The following GNAQ variants were observed in gnomAD, a reference collection of about 807,000 sequenced individuals.
The protein encoded by GNAQ is guanine nucleotide-binding protein G(q) subunit alpha.
In GNAQ, 8 loss-of-function variants were observed where a neutral mutation model predicts 43.9. The observed-to-expected ratio is 0.18, with a 90% CI of 0.11 to 0.33. The LOEUF (loss-of-function observed/expected upper bound fraction) is 0.33, where lower values mean the gene tolerates loss of function less well. Ranked by LOEUF, GNAQ falls within the 10% of genes least tolerant of loss-of-function variation. The probability of loss-of-function intolerance (pLI) is 1.00; values close to 1 mark genes in which losing one functional copy is unlikely to be tolerated. For missense variants in GNAQ, 158 were observed against 450.8 expected (o/e 0.35, Z 5.88); for synonymous variants, 155 against 170.7 (o/e 0.91, Z 0.71).
chr9:77,888,253 C>T (rs975786380), intron 2 of GNAQ, among the ~76,000 whole-genome samples: 16 of 152,140 alleles, frequency 1.1e-4, no homozygotes, highest in African/African-American at 3.9e-4. Context: ...TCCACGATAA[C>T]TTTTTAAGTA....
chr9:77,864,802 C>G (rs1030572523), intron 2 of GNAQ, among the ~76,000 whole-genome samples: 1 of 152,202 alleles, frequency 6.6e-6, no homozygotes, highest in Non-Finnish European at 1.5e-5. Flanking sequence ...ACACTCTTTT[C>G]TGGTTCTGCT....
At chr9:77,854,264 G>A (rs1417260434) in intron 2 of GNAQ, among the ~76,000 whole-genome samples, 1 of 152,132 alleles carries the variant, frequency 6.6e-6, no homozygotes, top group Non-Finnish European at 1.5e-5. Context: ...AAAGAACAAT[G>A]TCTTATGAGA....
At chr9:77,940,440 G>T (rs1169023926) in intron 1 of GNAQ, among the ~76,000 whole-genome samples, 1 of 152,072 alleles carries the variant, frequency 6.6e-6, no homozygotes, top group Admixed American at 6.6e-5. Context: ...AAATTAGCTG[G>T]GCATGGTGGG....
chr9:77,957,772 G>A (rs1440021224), intron 1 of GNAQ, among the ~76,000 whole-genome samples: 1 of 152,188 alleles, frequency 6.6e-6, no homozygotes, highest in Non-Finnish European at 1.5e-5. Flanking sequence ...ACCTGCTGGA[G>A]GGAGGGAACT....
intron 2 of GNAQ, among the ~76,000 whole-genome samples, chr9:77,837,847 A>ATGT (rs1554719704): frequency 1.6e-5 from 2 of 128,966 alleles, no homozygotes; most frequent in Non-Finnish European, 3.1e-5. Context: ...AGTGATTTAA[A>ATGT]TTTTTTTTTT....
chr9:77,942,914 C>A (rs1829334877), intron 1 of GNAQ, among the ~76,000 whole-genome samples: 1 of 152,176 alleles, frequency 6.6e-6, no homozygotes, highest in Admixed American at 6.5e-5. Context: ...GCAATCCTTG[C>A]AAATCTGCTG....
chr9:77,733,620 C>A (rs1825529994), intron 5 of GNAQ, among the ~76,000 whole-genome samples: 3 of 152,310 alleles, frequency 2.0e-5, no homozygotes, highest in Middle Eastern at 6.8e-3. Context: ...CCATCCCCAG[C>A]ACAGGATGTC....
At chr9:77,879,099 G>A (rs1320493026) in intron 2 of GNAQ, among the ~76,000 whole-genome samples, 1 of 151,408 alleles carries the variant, frequency 6.6e-6, no homozygotes, top group Non-Finnish European at 1.5e-5. Context: ...AATAAGATGA[G>A]GAAAATGAGC....
At chr9:77,840,347 C>CT (rs1325289421) in intron 2 of GNAQ, among the ~76,000 whole-genome samples, 23 of 128,296 alleles carry the variant, frequency 1.8e-4, no homozygotes, top group African/African-American at 5.7e-4. Context: ...CATTTGATTA[C>CT]TTTTTGTTTT....
chr9:77,893,768 G>A (rs987453330), intron 2 of GNAQ, among the ~76,000 whole-genome samples: 1 of 152,118 alleles, frequency 6.6e-6, no homozygotes. Context: ...CAAGCTTTAA[G>A]TAAATTTATG....
intron 3 of GNAQ, among the ~76,000 whole-genome samples, chr9:77,799,820 G>T (rs1826714618): frequency 6.6e-6 from 1 of 152,180 alleles, no homozygotes. Context: ...ATACATTGAT[G>T]ATTCTCTAGC....
intron 2 of GNAQ, among the ~76,000 whole-genome samples, chr9:77,884,179 G>C (rs1828263121): frequency 6.6e-6 from 1 of 152,178 alleles, no homozygotes; most frequent in Non-Finnish European, 1.5e-5. Context: ...CTCAGGGTTG[G>C]AACTGGGAGG....
intron 5 of GNAQ, among the ~76,000 whole-genome samples, chr9:77,775,652 C>A (rs1427717633): frequency 6.6e-6 from 1 of 152,044 alleles, no homozygotes; most frequent in Admixed American, 6.5e-5. Context: ...CCTGCCTCGG[C>A]CTCCCAAAGT....
intron 5 of GNAQ, among the ~76,000 whole-genome samples, chr9:77,763,341 T>C (rs1256702161): frequency 6.6e-6 from 1 of 152,166 alleles, no homozygotes; most frequent in African/African-American, 2.4e-5. Context: ...ATTTTTTGTG[T>C]AAAGCTAGGT....
chr9:77,728,448 C>T (rs542679056), intron 6 of GNAQ, 66 bp downstream of exon 6: 1 of 1,142,290 alleles, frequency 8.8e-7, no homozygotes, highest in South Asian at 1.2e-5. Flanking sequence ...GCGTTAACTC[C>T]CACACTGGGG....
At chr9:77,906,385 G>A (rs1001694319) in intron 2 of GNAQ, among the ~76,000 whole-genome samples, 9 of 152,198 alleles carry the variant, frequency 5.9e-5, no homozygotes, top group African/African-American at 2.2e-4. Context: ...GGCAAGTTCA[G>A]ATGCCACACA....
At chr9:77,760,881 T>C (rs10115925) in intron 5 of GNAQ, among the ~76,000 whole-genome samples, 100,991 of 139,718 alleles carry the variant, frequency 0.72, 36,178 homozygotes, top group Admixed American at 0.82. Flanking sequence ...ATGTGAGGAG[T>C]GCCTCTGCCC....
intron 3 of GNAQ, among the ~76,000 whole-genome samples, chr9:77,811,528 T>G (rs1259742355): frequency 6.6e-6 from 1 of 152,172 alleles, no homozygotes; most frequent in Non-Finnish European, 1.5e-5. Flanking sequence ...TCAGCGATGT[T>G]TAACATATGG....
chr9:77,736,034 T>G (rs1285888410), intron 5 of GNAQ, among the ~76,000 whole-genome samples: 1 of 152,172 alleles, frequency 6.6e-6, no homozygotes, highest in Non-Finnish European at 1.5e-5. Context: ...GGTTAGGCAA[T>G]TTGCTCCTCT....
Sources: allele counts gnomAD v4.1 joint callset (sites outside exome capture counted in the v4.1 genomes callset), GRCh38; gene constraint gnomAD v4.1.1; transcripts MANE v1.5; gene names NCBI Gene and HGNC (gene_info 2026-07-23, HGNC 2026-07-21).